The following CTNNA3 variants were observed in gnomAD, a reference collection of about 807,000 sequenced individuals.
CTNNA3 encodes the protein catenin alpha 3.
A neutral mutation model predicts 95.7 loss-of-function variants in CTNNA3; 76 were observed. The ratio of observed to expected loss-of-function variants is 0.79; its 90% confidence interval spans 0.66 to 0.96. The LOEUF is 0.96. Among genes scored for constraint, CTNNA3 ranks in the 40% least tolerant of loss-of-function variants. The pLI is 0.00. For missense variants in CTNNA3, 1,191 were observed against 1,089.8 expected, an observed-to-expected ratio of 1.09 and a Z score of -1.31; for synonymous variants, 431 against 374.4, an observed-to-expected ratio of 1.15 and a Z score of -1.74.
chr10:67,759,526 G>C (rs1841451342), intron 1 of CTNNA3, among the ~76,000 whole-genome samples: 1 of 152,074 alleles, frequency 6.6e-6, no homozygotes, highest in African/African-American at 2.4e-5. Flanking sequence ...AAGGATTTGG[G>C]GTCTGATTGG....
chr10:66,246,837 G>A (rs2090348770), intron 13 of CTNNA3, among the ~76,000 whole-genome samples: 2 of 151,816 alleles, frequency 1.3e-5, no homozygotes, highest in Admixed American at 6.6e-5. Flanking sequence ...TGGATCACGA[G>A]GTCAAGAGAT....
At chr10:66,298,372 A>T (rs1163445665) in intron 12 of CTNNA3, among the ~76,000 whole-genome samples, 1 of 152,190 alleles carries the variant, frequency 6.6e-6, no homozygotes, top group Non-Finnish European at 1.5e-5. Context: ...AAAATAATGA[A>T]ATAATCATAA....
intron 12 of CTNNA3, among the ~76,000 whole-genome samples, chr10:66,358,384 G>T (rs1366255951): frequency 2.0e-5 from 3 of 152,120 alleles, no homozygotes; most frequent in Admixed American, 6.5e-5. Context: ...ACATATTATT[G>T]TATGGGGTTA....
At chr10:67,187,386 C>T (rs962022977) in intron 6 of CTNNA3, among the ~76,000 whole-genome samples, 6 of 152,076 alleles carry the variant, frequency 3.9e-5, no homozygotes, top group African/African-American at 7.2e-5. Context: ...CAAATCCATA[C>T]ACTTTCTACC....
intron 5 of CTNNA3, among the ~76,000 whole-genome samples, chr10:67,468,643 G>A (rs114895783): frequency 0.025 from 3,876 of 152,112 alleles, 77 homozygotes; most frequent in African/African-American, 0.044. Flanking sequence ...GATATATGCC[G>A]TTTTCTGCTG....
chr10:67,573,253 G>A (rs979657975), intron 3 of CTNNA3, among the ~76,000 whole-genome samples: 1 of 152,148 alleles, frequency 6.6e-6, no homozygotes, highest in Non-Finnish European at 1.5e-5. Flanking sequence ...AAAGCCCAGT[G>A]TCCCTACGAC....
intron 1 of CTNNA3, among the ~76,000 whole-genome samples, chr10:67,754,291 C>A (rs1213985878): frequency 1.3e-5 from 2 of 152,004 alleles, no homozygotes; most frequent in Admixed American, 6.6e-5. Context: ...AAACAACACA[C>A]ACTAGAGCCT....
At chr10:66,924,310 T>C (rs1846947457) in intron 7 of CTNNA3, among the ~76,000 whole-genome samples, 1 of 152,222 alleles carries the variant, frequency 6.6e-6, no homozygotes, top group Admixed American at 6.5e-5. Flanking sequence ...CTAGCCTTTA[T>C]CAAACATCTC....
At chr10:67,434,678 T>C (rs1279174836) in intron 5 of CTNNA3, among the ~76,000 whole-genome samples, 1 of 152,002 alleles carries the variant, frequency 6.6e-6, no homozygotes, top group Non-Finnish European at 1.5e-5. Context: ...AGCTCAACTA[T>C]ATTCACACCA....
At chr10:67,458,625 T>A (rs1001431843) in intron 5 of CTNNA3, among the ~76,000 whole-genome samples, 1 of 152,012 alleles carries the variant, frequency 6.6e-6, no homozygotes, top group African/African-American at 2.4e-5. Flanking sequence ...ATGCCTGTAA[T>A]CCCAGCGCTT....
intron 1 of CTNNA3, among the ~76,000 whole-genome samples, chr10:67,651,544 A>C (rs1313723799): frequency 6.6e-6 from 1 of 152,232 alleles, no homozygotes; most frequent in Non-Finnish European, 1.5e-5. Context: ...TGAAGGCCAG[A>C]CATAAAACCT....
intron 16 of CTNNA3, among the ~76,000 whole-genome samples, chr10:65,985,163 A>T (rs1398118712): frequency 2.0e-5 from 3 of 151,080 alleles, no homozygotes; most frequent in Non-Finnish European, 3.0e-5. Context: ...TTTCCAAGAG[A>T]GTATAAACAT....
intron 7 of CTNNA3, among the ~76,000 whole-genome samples, chr10:66,796,866 G>A (rs773689355): frequency 1.8e-4 from 27 of 152,048 alleles, no homozygotes; most frequent in Non-Finnish European, 3.8e-4. Flanking sequence ...TCAGCAAGAT[G>A]ATCTAGTGAT....
intron 13 of CTNNA3, among the ~76,000 whole-genome samples, chr10:66,195,599 G>A (rs1290556637): frequency 9.9e-5 from 15 of 152,136 alleles, no homozygotes; most frequent in Admixed American, 7.2e-4. Context: ...GATGGTCCAG[G>A]AGTTTCCACA....
chr10:67,283,992 C>T (rs913544170), intron 5 of CTNNA3, among the ~76,000 whole-genome samples: 6 of 152,156 alleles, frequency 3.9e-5, no homozygotes, highest in Non-Finnish European at 2.9e-5. Flanking sequence ...GCCTTTTCTC[C>T]TATTAATCAA....
intron 14 of CTNNA3, among the ~76,000 whole-genome samples, chr10:66,083,840 A>G (rs983225912): frequency 6.6e-6 from 1 of 152,134 alleles, no homozygotes; most frequent in African/African-American, 2.4e-5. Flanking sequence ...TTACATTAGA[A>G]ATGATAGTGA....
chr10:66,960,094 G>A (rs1303551032), intron 7 of CTNNA3, among the ~76,000 whole-genome samples: 1 of 151,934 alleles, frequency 6.6e-6, no homozygotes, highest in Non-Finnish European at 1.5e-5. Flanking sequence ...TTTGCTAGCA[G>A]ACTCCCTAAA....
intron 13 of CTNNA3, among the ~76,000 whole-genome samples, chr10:66,137,650 C>T (rs2133868213): frequency 6.6e-6 from 1 of 152,038 alleles, no homozygotes; most frequent in Non-Finnish European, 1.5e-5. Flanking sequence ...CGCGGAACAG[C>T]AAAAATAAGT....
At chr10:67,221,556 C>T (rs1235823756) in intron 5 of CTNNA3, among the ~76,000 whole-genome samples, 1 of 151,946 alleles carries the variant, frequency 6.6e-6, no homozygotes, top group African/African-American at 2.4e-5. Context: ...GACATTATTT[C>T]CTACATAGGA....
Sources: allele counts gnomAD v4.1 joint callset (sites outside exome capture counted in the v4.1 genomes callset), GRCh38; gene constraint gnomAD v4.1.1; transcripts MANE v1.5; gene names NCBI Gene and HGNC (gene_info 2026-07-23, HGNC 2026-07-21).